The following CRB2 variants were observed in gnomAD, a reference collection of about 807,000 sequenced individuals.
The protein encoded by CRB2 is protein crumbs homolog 2.
Under a neutral mutation model 110.9 loss-of-function variants are expected in CRB2, and 85 were observed. That is an observed-to-expected ratio of 0.77 (90% CI 0.64 to 0.92). CRB2 has a LOEUF of 0.92. Among genes scored for constraint, CRB2 ranks in the 40% least tolerant of loss-of-function variants. CRB2 has a pLI of 0.00. For missense variants in CRB2, 1,843 were observed against 1,851.3 expected (o/e 1.00, Z 0.08); for synonymous variants, 907 against 831.0 (o/e 1.09, Z -1.57).
chr9:123,354,171 G>T (rs942935192), upstream of CRB2, among the ~76,000 whole-genome samples: 1 of 152,216 alleles, frequency 6.6e-6, no homozygotes, highest in East Asian at 1.9e-4. Flanking sequence ...TCCTGTACCC[G>T]GTGCTGTCGG....
At chr9:123,356,757 C>T (rs2041804270) in intron 1 of CRB2, among the ~76,000 whole-genome samples, 1 of 151,884 alleles carries the variant, frequency 6.6e-6, no homozygotes, top group African/African-American at 2.4e-5. Flanking sequence ...CACCCCAGAG[C>T]TTGTTCTGTG....
intron 1 of CRB2, among the ~76,000 whole-genome samples, chr9:123,359,450 T>TTTTG (rs2041841364): frequency 1.4e-5 from 2 of 138,842 alleles, no homozygotes; most frequent in Non-Finnish European, 3.1e-5. Context: ...TGTTTTTTTT[T>TTTTG]TTTTTTTTTT....
At chr9:123,362,708 A>C (rs1417673806) in intron 1 of CRB2, among the ~76,000 whole-genome samples, 157 bp from the exon 2 acceptor site, 2 of 151,722 alleles carry the variant, frequency 1.3e-5, no homozygotes, top group Non-Finnish European at 2.9e-5. Flanking sequence ...TGTGCAGCTT[A>C]CTGGGACCTG....
In CRB2 at chr9:123,374,856, C is replaced by T. The variant is rs182991326; in HGVS notation, c.3506+161C>T. On this transcript the variant is annotated intron_variant, in intron 11 of 12. Transcript: ENST00000373631. The stretch of plus-strand genomic sequence containing the variant: ...TTCCTTCCATGACTCGCAAGACCAT[C>T]CTCTGTGATACAGACTGCTGCTGGG... 1.5e-3 allele frequency among the ~76,000 whole-genome samples: 222 copies of T among 152,384 alleles called. 1 individual carries two copies. The highest frequency in any genetic ancestry group is 5.3e-3 in the African/African-American group (219 of 41,588).
chr9:123,357,113 G>C (rs1032878666), intron 1 of CRB2, among the ~76,000 whole-genome samples: 1 of 152,016 alleles, frequency 6.6e-6, no homozygotes, highest in Non-Finnish European at 1.5e-5. Flanking sequence ...CTGGGGATTT[G>C]GGAACATGTG....
Position 123,363,150 on chromosome 9 carries a change from C to T in CRB2, c.380C>T (p.Ala127Val). The part of the protein sequence containing the change: ...CHHGATCRNL[A>V]DRYECHCPLG... Reference sequence around the variant, plus strand: ...CATGGGGCCACCTGCCGCAACCTGGCCGATCGCTACGAGTGCCATTGCCCC... The same window carrying T: ...CATGGGGCCACCTGCCGCAACCTGGTCGATCGCTACGAGTGCCATTGCCCC... Residue 127 changes from alanine (A) to valine (V), a missense_variant, in exon 2 of 13, where the codon GCC becomes GTC. Coordinates refer to ENST00000373631, the MANE Select transcript of CRB2 (RefSeq NM_173689.7). 2 of 1,610,364 alleles carry T rather than the reference C, an allele frequency of 1.2e-6. No individual in the cohort carries two copies. The highest frequency in any genetic ancestry group is 1.7e-6 in the Non-Finnish European group (2 of 1,178,950).
upstream of CRB2, among the ~76,000 whole-genome samples, chr9:123,355,289 G>A (rs2041785398): frequency 6.6e-6 from 1 of 152,258 alleles, no homozygotes; most frequent in Non-Finnish European, 1.5e-5. Flanking sequence ...GAGACTATAA[G>A]GTTAGACAAC....
Position 123,373,780 on chromosome 9 carries a change from C to A in CRB2, c.3249C>A (p.Gly1083=), listed in dbSNP as rs777077201. The A allele has an allele frequency of 1.3e-5, 21 of 1,590,878 alleles. No individual in the cohort carries two copies. The highest frequency in any genetic ancestry group is 1.7e-5 in the Non-Finnish European group (20 of 1,176,644). The part of the protein sequence containing the change: ...DLFDAFACAC[G]PGWEGPRCEA... ...TCGACGCCTTTGCCTGCGCCTGCGG[C>A]CCGGGGTGGGAAGGCCCGCGCTGCG... The change falls in exon 10 of 13, where the codon GGC becomes GGA. Residue 1083 remains glycine (G), a synonymous_variant. Coordinates refer to ENST00000373631, the MANE Select transcript of CRB2 (RefSeq NM_173689.7).
chr9:123,368,859 C>T (rs572439086), intron 6 of CRB2: 10 of 1,261,922 alleles, frequency 7.9e-6, no homozygotes, highest in East Asian at 6.8e-5. Context: ...CCTCAGTGCC[C>T]GCCCACCACT....
chr9:123,367,420 C>T, intron 5 of CRB2, 63 bp downstream of exon 5: 7 of 1,032,646 alleles, frequency 6.8e-6, no homozygotes, highest in South Asian at 1.8e-5. Context: ...ATCTTGTGCC[C>T]ACCCCCCCAC....
downstream of CRB2, chr9:123,378,809 T>TTG (rs1564382916): frequency 8.5e-5 from 6 of 70,288 alleles, no homozygotes; most frequent in East Asian, 4.4e-4. Context: ...TTTTTTGTTT[T>TTG]TTTTTTTTTT....
Position 123,370,751 on chromosome 9 carries a change from C to T in CRB2, c.1698C>T (p.Ile566=). ...CGGCAACTCCGCTGCCTGCCGGGATCTCCTCTGCCCAGCTGGGGGACGCGA... is the reference window on the plus strand; with the variant it reads ...CGGCAACTCCGCTGCCTGCCGGGATTTCCTCTGCCCAGCTGGGGGACGCGA... ...TASATPLPAG[I]SSAQLGDATF... Residue 566 remains isoleucine, a synonymous_variant, in exon 7 of 13, where the codon ATC becomes ATT. Transcript: ENST00000373631. 1 of 1,603,162 alleles carries T rather than the reference C, an allele frequency of 6.2e-7. No homozygotes were observed. Among genetic ancestry groups the T allele is most frequent in the Admixed American group, 1.7e-5 (1 of 60,018 alleles).
At chr9:123,356,195 G>C (rs917561189), upstream of CRB2, 13 of 1,133,096 alleles carry the variant, frequency 1.1e-5, no homozygotes, top group Non-Finnish European at 1.4e-5. Flanking sequence ...GACGAGGGGG[G>C]TGCGGAGCCA....
rs773267809 is a variant in CRB2 at position 123,366,216 on chromosome 9, G to T, written c.615-11G>T. ...GGCGCGCGCTCAGCTCCGCCGGTGC[G>T]CCCTCCCCAGGTTCCGGTGCGACTG... On this transcript the variant is annotated splice_polypyrimidine_tract_variant and intron_variant, in intron 3 of 12. Transcript: ENST00000373631. The T allele has an allele frequency of 7.0e-6, 10 of 1,430,250 alleles. No individual in the cohort carries two copies. Among genetic ancestry groups the T allele is most frequent in the South Asian group, 1.4e-5 (1 of 69,762 alleles). The allele number at this position is 1,430,250 out of a possible 1,614,324, so 88.6% of individuals were successfully genotyped here. A position where few individuals can be genotyped will look rare whatever the true frequency, so the allele number is the denominator to read the frequency against.
At chr9:123,369,015 T>G (rs1588212086) in intron 6 of CRB2, 2 of 1,118,030 alleles carry the variant, frequency 1.8e-6, no homozygotes, top group South Asian at 1.7e-5. Context: ...GAGGCTGTGG[T>G]GTTTGTGAGC....
At chr9:123,364,165 G>C (rs1315841962) in intron 2 of CRB2, among the ~76,000 whole-genome samples, 3 of 152,232 alleles carry the variant, frequency 2.0e-5, no homozygotes, top group Admixed American at 2.0e-4. Context: ...CATCGTTCCA[G>C]TGTCTCAGCG....
Position 123,372,274 on chromosome 9 carries a change from A to T in CRB2, c.2534A>T (p.Gln845Leu), listed in dbSNP as rs2042027826. 2.5e-6 allele frequency: 4 copies of T among 1,613,662 alleles called. No homozygotes were observed. The highest frequency in any genetic ancestry group is 3.4e-6 in the Non-Finnish European group (4 of 1,179,798). Residue 845 changes from glutamine to leucine, a missense_variant, in exon 9 of 13, where the codon CAG (glutamine) becomes CTG (leucine). Coordinates refer to ENST00000373631, the MANE Select transcript of CRB2 (RefSeq NM_173689.7). ...TTCACGGGGCCTACGTGTGCCCAGCAGCTGTGGTGTCCCGGCCAGCCCTGT... is the reference window on the plus strand; with the variant it reads ...TTCACGGGGCCTACGTGTGCCCAGCTGCTGTGGTGTCCCGGCCAGCCCTGT... ...ANFTGPTCAQ[Q>L]LWCPGQPCLP...
chr9:123,364,237 A>C (rs1429279573), intron 2 of CRB2, among the ~76,000 whole-genome samples: 2 of 126,588 alleles, frequency 1.6e-5, no homozygotes, highest in Non-Finnish European at 1.7e-5. Flanking sequence ...TCCTAGTTCC[A>C]AGTTCTGTTT....
rs766095779 is a variant in CRB2, at chr9:123,374,653, C to T, written c.3464C>T (p.Pro1155Leu). The change falls in exon 11 of 13, where the codon CCC becomes CTC. Residue 1155 changes from proline to leucine, a missense_variant. Coordinates refer to ENST00000373631, the MANE Select transcript of CRB2 (RefSeq NM_173689.7). ...GGCAGCCCATGTGAGGGTGGCTCTC[C>T]CGCTGCCAACTGCAGCTGCCTGGAG... ...LDGSPCEGGSPAANCSCLEGL... is the reference protein window; with the variant it reads ...LDGSPCEGGSLAANCSCLEGL... 1 of 1,612,750 alleles carries T rather than the reference C, an allele frequency of 6.2e-7. No homozygotes were observed. Among genetic ancestry groups the T allele is most frequent in the East Asian group, 2.2e-5 (1 of 44,884 alleles).
Sources: gnomAD v4.1 joint callset for allele counts (sites outside exome capture counted in the v4.1 genomes callset) on GRCh38, gnomAD v4.1.1 for gene constraint, MANE v1.5 for transcripts, NCBI Gene and HGNC (gene_info 2026-07-23, HGNC 2026-07-21) for gene names.